Variants in MAP2 observed in about 807,000 individuals in gnomAD.
MAP2 encodes the protein microtubule associated protein 2.
A neutral mutation model predicts 137.6 loss-of-function variants in MAP2; 14 were observed. The observed-to-expected ratio is 0.10, with a 90% CI of 0.07 to 0.16. The LOEUF is 0.16. Ranked by LOEUF, MAP2 falls within the 10% of genes least tolerant of loss-of-function variation. The probability of loss-of-function intolerance (pLI) is 1.00; values close to 1 mark genes in which losing one functional copy is unlikely to be tolerated. For missense variants in MAP2, 2,088 were observed against 2,191.5 expected (o/e 0.95, Z 0.94); for synonymous variants, 786 against 782.3 (o/e 1.00, Z -0.08).
intron 1 of MAP2, among the ~76,000 whole-genome samples, chr2:209,426,552 G>C (rs1692633997): frequency 6.6e-6 from 1 of 152,158 alleles, no homozygotes; most frequent in Non-Finnish European, 1.5e-5. Context: ...TGTGCTGAAA[G>C]AGCATGACCC....
At chr2:209,432,803 A>T (rs900595658) in intron 1 of MAP2, among the ~76,000 whole-genome samples, 1 of 152,146 alleles carries the variant, frequency 6.6e-6, no homozygotes, top group Non-Finnish European at 1.5e-5. Context: ...CAGGGAATAA[A>T]ACCACCTGGA....
chr2:209,508,305 G>GA (rs1372553916), intron 2 of MAP2, among the ~76,000 whole-genome samples: 1 of 150,048 alleles, frequency 6.7e-6, no homozygotes, highest in East Asian at 1.9e-4. Context: ...AACACTGAAT[G>GA]AAATGAAGAC....
rs186263707 is a variant in MAP2, at chr2:209,501,162, G to A, written c.-221-6430G>A. 1.9e-3 allele frequency among the ~76,000 whole-genome samples: 289 copies of A among 152,006 alleles called. 1 individual carries two copies. Among genetic ancestry groups the A allele is most frequent in the African/African-American group, 6.8e-3 (282 of 41,440 alleles). On this transcript the variant is annotated intron_variant, in intron 1 of 15. Transcript: ENST00000682079. ...TTCCCAACATTTGTTTCTGTAAGGT[G>A]TAACTCCAGTAGTAACTTTTCTGTT...
chr2:209,659,664 T>G (rs2061788545), intron 5 of MAP2, among the ~76,000 whole-genome samples: 1 of 152,172 alleles, frequency 6.6e-6, no homozygotes, highest in African/African-American at 2.4e-5. Flanking sequence ...CTAAAACATT[T>G]TTAAAGTATT....
At chr2:209,721,655 C>T (rs2071020635) in intron 13 of MAP2, among the ~76,000 whole-genome samples, 1 of 152,072 alleles carries the variant, frequency 6.6e-6, no homozygotes, top group Non-Finnish European at 1.5e-5. Context: ...ATGTTAATGT[C>T]AAACAGATTT....
intron 1 of MAP2, among the ~76,000 whole-genome samples, chr2:209,455,825 A>G (rs965186989): frequency 4.6e-5 from 7 of 152,162 alleles, no homozygotes; most frequent in African/African-American, 1.7e-4. Flanking sequence ...ACTTGGCTCT[A>G]CACCTTACTG....
chr2:209,509,945 T>G (rs7561678), intron 2 of MAP2, among the ~76,000 whole-genome samples: 76,059 of 151,120 alleles, frequency 0.5, 20,955 homozygotes, highest in Middle Eastern at 0.61. Context: ...AGGTATGTCT[T>G]GTAATGAATA....
In MAP2 at chr2:209,672,251, G is replaced by T. The variant is rs2049159679; in HGVS notation, c.263-6321G>T. On this transcript the variant is annotated intron_variant, in intron 5 of 15. Coordinates refer to ENST00000682079, the MANE Select transcript of MAP2 (RefSeq NM_001375505.1). ...ATAAGTGGCAGGAGCCTGATGTATT[G>T]TCTGTTAGGGTCCCAGCAGTGACCC... 2.0e-5 allele frequency among the ~76,000 whole-genome samples: 3 copies of T among 151,768 alleles called. No individual in the cohort carries two copies. The Admixed American group carries it at 2.0e-4, about 10-fold the overall frequency.
At chr2:209,601,082 C>A (rs1291652902) in intron 3 of MAP2, among the ~76,000 whole-genome samples, 3 of 152,136 alleles carry the variant, frequency 2.0e-5, no homozygotes, top group African/African-American at 7.2e-5. Flanking sequence ...ATAATACTTA[C>A]CTCATAGACT....
intron 1 of MAP2, among the ~76,000 whole-genome samples, chr2:209,428,396 T>G (rs894222757): frequency 6.7e-6 from 1 of 148,554 alleles, no homozygotes; most frequent in African/African-American, 2.5e-5. Flanking sequence ...TTTTTTTTTT[T>G]GCTTTTTGTT....
At chr2:209,528,762 ATATATG>A (rs1245078569) in intron 2 of MAP2, among the ~76,000 whole-genome samples, 2 of 150,508 alleles carry the variant, frequency 1.3e-5, no homozygotes, top group Non-Finnish European at 2.9e-5. Context: ...ATATGTATGT[ATATATG>A]TATATGTACA....
At chr2:209,683,263 A>G (rs1465640208) in intron 7 of MAP2, among the ~76,000 whole-genome samples, 1 of 152,242 alleles carries the variant, frequency 6.6e-6, no homozygotes, top group African/African-American at 2.4e-5. Flanking sequence ...ATTCAAGGAA[A>G]ATACCACCTA....
chr2:209,528,094 A>G (rs2064357099), intron 2 of MAP2, among the ~76,000 whole-genome samples: 1 of 146,324 alleles, frequency 6.8e-6, no homozygotes. Flanking sequence ...GGTAGAAGCC[A>G]TCTTCCCCCC....
chr2:209,580,249 A>G (rs1214804156), intron 3 of MAP2, 149 bp downstream of exon 3: 2 of 152,146 alleles, frequency 1.3e-5, no homozygotes, highest in African/African-American at 2.4e-5. Flanking sequence ...TTCTATGCAG[A>G]TACTTCTATT....
chr2:209,643,109 A>G (rs1001091511), intron 4 of MAP2, among the ~76,000 whole-genome samples: 1 of 152,210 alleles, frequency 6.6e-6, no homozygotes, highest in Admixed American at 6.5e-5. Flanking sequence ...ACATTACATG[A>G]TGATAGGGCA....
chr2:209,514,379 C>T (rs1281841355), intron 2 of MAP2, among the ~76,000 whole-genome samples: 3 of 151,636 alleles, frequency 2.0e-5, no homozygotes, highest in African/African-American at 7.3e-5. Context: ...CTAGCTCATT[C>T]TTTATTCCTT....
chr2:209,514,453 A>G (rs1022691761), intron 2 of MAP2, among the ~76,000 whole-genome samples: 20 of 152,072 alleles, frequency 1.3e-4, no homozygotes, highest in Admixed American at 6.6e-4. Context: ...TACAAACCCC[A>G]TGCTTATGAA....
At chr2:209,548,580 C>A (rs2068542177) in intron 2 of MAP2, among the ~76,000 whole-genome samples, 1 of 152,102 alleles carries the variant, frequency 6.6e-6, no homozygotes, top group South Asian at 2.1e-4. Flanking sequence ...TTCAATGATA[C>A]CATAAGAGAC....
intron 1 of MAP2, among the ~76,000 whole-genome samples, chr2:209,433,994 C>T (rs188662714): frequency 6.6e-6 from 1 of 152,118 alleles, no homozygotes; most frequent in East Asian, 1.9e-4. Flanking sequence ...AAACAACAAC[C>T]AACATTAAAT....
Sources: allele counts gnomAD v4.1 joint callset (sites outside exome capture counted in the v4.1 genomes callset), GRCh38; gene constraint gnomAD v4.1.1; transcripts MANE v1.5; gene names NCBI Gene and HGNC (gene_info 2026-07-23, HGNC 2026-07-21).